The following TACR3 variants were observed in gnomAD, a reference collection of about 807,000 sequenced individuals.
TACR3 encodes the protein neuromedin-K receptor.
In TACR3, 34 loss-of-function variants were observed where a neutral mutation model predicts 35.0. The ratio of observed to expected loss-of-function variants is 0.97; its 90% CI spans 0.74 to 1.30. The LOEUF (loss-of-function observed/expected upper bound fraction) is 1.30. TACR3 is among the 50% of genes most tolerant of loss of function. TACR3 has a pLI of 0.00. For missense variants in TACR3, 558 were observed against 591.7 expected (o/e 0.94, Z 0.59); for synonymous variants, 233 against 221.1 (o/e 1.05, Z -0.48).
intron 3 of TACR3, among the ~76,000 whole-genome samples, chr4:103,615,588 T>C (rs1724636280): frequency 6.6e-6 from 1 of 152,206 alleles, no homozygotes; most frequent in South Asian, 2.1e-4. Flanking sequence ...ATTCCTTGAA[T>C]AGCTTTCCTA....
At chr4:103,642,457 G>A (rs2110320494) in intron 3 of TACR3, among the ~76,000 whole-genome samples, 1 of 151,816 alleles carries the variant, frequency 6.6e-6, no homozygotes, top group South Asian at 2.1e-4. Flanking sequence ...ATATCCACAA[G>A]AGAATATTGT....
In TACR3 at chr4:103,650,706, TATA is replaced by T. The variant is rs1333044905; in HGVS notation, c.888+5485_888+5487del. ...ATCATATATAATATATATTTATATA[TATA>T]AATATATATAAATAAATATATATTA... On this transcript the variant is annotated intron_variant, in intron 3 of 4. Coordinates refer to ENST00000304883, the MANE Select transcript of TACR3 (RefSeq NM_001059.3). Among the ~76,000 whole-genome samples the T allele has an allele frequency of 7.2e-4, 39 of 53,944 alleles. 2 individuals are homozygous for T. Among genetic ancestry groups the T allele is most frequent in the African/African-American group, 6.4e-3 (34 of 5,274 alleles). 35.4% of individuals were successfully genotyped at this position (53,944 alleles called of 152,430 possible).
chr4:103,650,559 AAAAT>A (rs990454173), intron 3 of TACR3, among the ~76,000 whole-genome samples: 5 of 89,362 alleles, frequency 5.6e-5, no homozygotes, highest in South Asian at 2.6e-4. Flanking sequence ...TAAATTTAAT[AAAAT>A]AAATATATAA....
intron 3 of TACR3, among the ~76,000 whole-genome samples, chr4:103,637,508 A>G (rs1725220299): frequency 6.6e-6 from 1 of 152,158 alleles, no homozygotes; most frequent in Admixed American, 6.6e-5. Flanking sequence ...AACTGGAAGC[A>G]TTCCCTTTGA....
intron 3 of TACR3, among the ~76,000 whole-genome samples, chr4:103,602,876 T>A (rs960575153): frequency 1.3e-5 from 2 of 152,206 alleles, no homozygotes; most frequent in Non-Finnish European, 2.9e-5. Flanking sequence ...TTCTCAGATC[T>A]CAAGCTGCAT....
intron 1 of TACR3, among the ~76,000 whole-genome samples, chr4:103,688,052 A>G (rs868274982): frequency 1.9e-4 from 29 of 152,326 alleles, no homozygotes; most frequent in Middle Eastern, 3.4e-3. Context: ...AAACAGAGAT[A>G]TAGATCAATG....
At chr4:103,687,785 A>G (rs1271885581) in intron 1 of TACR3, among the ~76,000 whole-genome samples, 15 of 152,162 alleles carry the variant, frequency 9.9e-5, no homozygotes, top group African/African-American at 2.9e-4. Context: ...ATGCTCATGT[A>G]TAGGAAGAAT....
At position 103,719,122 on chromosome 4, in the gene TACR3, C is replaced by T. The variant is rs746093981; in HGVS notation, c.548+6G>A. On this transcript the variant is annotated splice_donor_region_variant and intron_variant, in intron 1 of 4. Coordinates refer to ENST00000304883, the MANE Select transcript of TACR3 (RefSeq NM_001059.3). ...CCTCTTTCCTCTCTGTCTGTCCTCT[C>T]CTCACCTGTCCACCGCAATGGCCGT... The T allele has an allele frequency of 5.0e-6, 8 of 1,614,034 alleles. No individual in the cohort carries two copies. Among genetic ancestry groups the T allele is most frequent in the African/African-American group, 1.3e-5 (1 of 74,910 alleles).
At chr4:103,628,407 C>T (rs941534782) in intron 3 of TACR3, among the ~76,000 whole-genome samples, 2 of 151,624 alleles carry the variant, frequency 1.3e-5, no homozygotes, top group Non-Finnish European at 2.9e-5. Context: ...GCTAGCAAGA[C>T]TAATAAAGAA....
At chr4:103,715,822 T>C (rs1723077453) in intron 1 of TACR3, among the ~76,000 whole-genome samples, 1 of 152,198 alleles carries the variant, frequency 6.6e-6, no homozygotes, top group Admixed American at 6.5e-5. Context: ...TCAAAATATT[T>C]GTATTGTAAT....
At chr4:103,590,727 A>T (rs1723874723) in intron 4 of TACR3, among the ~76,000 whole-genome samples, 1 of 152,190 alleles carries the variant, frequency 6.6e-6, no homozygotes. Flanking sequence ...TGTGAAAAAA[A>T]CACATTGGTT....
intron 1 of TACR3, among the ~76,000 whole-genome samples, chr4:103,712,658 A>C (rs1294150518): frequency 6.6e-6 from 1 of 152,212 alleles, no homozygotes; most frequent in Non-Finnish European, 1.5e-5. Context: ...TCTGCACAGC[A>C]AAAGAAACTA....
At chr4:103,622,678 G>A (rs79013937) in intron 3 of TACR3, among the ~76,000 whole-genome samples, 8,581 of 152,220 alleles carry the variant, frequency 0.056, 828 homozygotes, top group African/African-American at 0.2. Context: ...GCAGTGAGCC[G>A]AGAGGCTTGA....
intron 1 of TACR3, among the ~76,000 whole-genome samples, chr4:103,686,325 GTTAT>G (rs1174746788): frequency 6.6e-6 from 1 of 152,130 alleles, no homozygotes; most frequent in Non-Finnish European, 1.5e-5. Flanking sequence ...ACTAGTTCAA[GTTAT>G]TTAATCACAA....
At chr4:103,674,632 A>G (rs1578252556) in intron 1 of TACR3, among the ~76,000 whole-genome samples, 1 of 152,096 alleles carries the variant, frequency 6.6e-6, no homozygotes, top group African/African-American at 2.4e-5. Context: ...GCTCACTGCA[A>G]CCTCTGCCTC....
intron 1 of TACR3, among the ~76,000 whole-genome samples, chr4:103,698,605 T>C (rs979128833): frequency 6.6e-6 from 1 of 152,066 alleles, no homozygotes; most frequent in Non-Finnish European, 1.5e-5. Flanking sequence ...ATGGACTTTA[T>C]GTTAAGTGAA....
chr4:103,596,560 A>C (rs1353352008), intron 3 of TACR3, among the ~76,000 whole-genome samples: 2 of 151,814 alleles, frequency 1.3e-5, no homozygotes, highest in Admixed American at 6.6e-5. Context: ...GACAAAAAAC[A>C]AAACAAAACA....
intron 3 of TACR3, among the ~76,000 whole-genome samples, chr4:103,612,398 T>C (rs1486951450): frequency 2.0e-5 from 3 of 152,214 alleles, no homozygotes; most frequent in Non-Finnish European, 2.9e-5. Context: ...ATTGCAATTA[T>C]TCTCTTTCAT....
chr4:103,604,076 C>A (rs556420603), intron 3 of TACR3, among the ~76,000 whole-genome samples: 2 of 152,320 alleles, frequency 1.3e-5, no homozygotes, highest in African/African-American at 4.8e-5. Flanking sequence ...GAGCCCATAT[C>A]TCCAAGACAA....
Sources: allele counts gnomAD v4.1 joint callset (sites outside exome capture counted in the v4.1 genomes callset), GRCh38; gene constraint gnomAD v4.1.1; transcripts MANE v1.5; gene names NCBI Gene and HGNC (gene_info 2026-07-23, HGNC 2026-07-21).